The following KANSL1 variants were observed in gnomAD, a reference collection of about 807,000 sequenced individuals.
The protein encoded by KANSL1 is KAT8 regulatory NSL complex subunit 1.
Under a neutral mutation model 103.6 loss-of-function variants are expected in KANSL1, and 22 were observed. The ratio of observed to expected loss-of-function variants is 0.21; its 90% confidence interval spans 0.15 to 0.30. The LOEUF (loss-of-function observed/expected upper bound fraction) is 0.30. KANSL1 is among the 10% of genes least tolerant of loss of function. The pLI, the probability that KANSL1 is intolerant of heterozygous loss-of-function variation, is 1.00. For synonymous variants in KANSL1, 600 were observed against 527.6 expected (o/e 1.14, Z -1.88); for missense variants, 1,337 against 1,399.8 (o/e 0.96, Z 0.72).
In KANSL1 at chr17:46,129,209, T is replaced by C. The variant is rs139185954; in HGVS notation, c.1290-34508A>G. 9.8e-4 allele frequency among the ~76,000 whole-genome samples: 149 copies of C among 152,122 alleles called. 3 individuals carry two copies. The East Asian group carries it at 0.022, about 22-fold the overall frequency. On this transcript the variant is annotated intron_variant, in intron 2 of 14. Transcript: ENST00000432791. The stretch of plus-strand genomic sequence containing the variant: ...AAAGGAACAGTGCAGTATGTTCTAG[T>C]TGAATTAATAAATGACCTGCTTCTT...
At position 46,172,224 on chromosome 17, in the gene KANSL1, G is replaced by C. The variant is rs2046325083; in HGVS notation, c.-81C>G. On this transcript the variant is annotated 5_prime_UTR_variant, in exon 2 of 15. Transcript: ENST00000432791. Reference sequence around the variant, plus strand: ...TCCACGGCCCCTTACTGCCTCCCCAGAGAACAGACTAGAAGAGAAAGGAGA... The same window carrying C: ...TCCACGGCCCCTTACTGCCTCCCCACAGAACAGACTAGAAGAGAAAGGAGA... 1.5e-6 allele frequency: 2 copies of C among 1,299,950 alleles called. No homozygotes were observed. The highest frequency in any genetic ancestry group is 1.6e-5 in the African/African-American group (1 of 63,702). 80.5% of individuals were successfully genotyped at this position (1,299,950 alleles called of 1,614,324 possible). A position where few individuals can be genotyped will look rare whatever the true frequency, so the allele number is the denominator to read the frequency against.
intron 1 of KANSL1, among the ~76,000 whole-genome samples, chr17:46,213,825 C>T (rs957687072): frequency 2.6e-5 from 4 of 151,696 alleles, no homozygotes; most frequent in East Asian, 2.0e-4. Flanking sequence ...GGCTGAGGAA[C>T]GAGGATTGCT....
chr17:46,200,065 A>ACC lies in KANSL1; in HGVS notation c.-90+23604_-90+23605dup, dbSNP rs1555591968. Among the ~76,000 whole-genome samples the ACC allele has an allele frequency of 1.2e-3, 185 of 151,304 alleles. 2 individuals carry two copies. The highest frequency in any genetic ancestry group is 2.9e-3 in the South Asian group (14 of 4,808). The stretch of plus-strand genomic sequence containing the variant: ...CACACACACACACACACACACACAC[A>ACC]CCCTGATTATTTTGGTGAATTTTAG... On this transcript the variant is annotated intron_variant, in intron 1 of 14. Coordinates refer to the KANSL1 transcript ENST00000572904.
chr17:46,117,590 A>G (rs1376421460), intron 2 of KANSL1, among the ~76,000 whole-genome samples: 1 of 151,152 alleles, frequency 6.6e-6, no homozygotes, highest in Non-Finnish European at 1.5e-5. Context: ...ATGCCTCGCA[A>G]AGCAGCCAAA....
At chr17:46,175,320 G>C (rs894889715) in intron 1 of KANSL1, among the ~76,000 whole-genome samples, 3 of 91,280 alleles carry the variant, frequency 3.3e-5, no homozygotes, top group Non-Finnish European at 5.3e-5. Context: ...CTGTGTGTGT[G>C]TGTGTGTGTG....
chr17:46,083,582 C>T (rs2079057336), intron 3 of KANSL1, among the ~76,000 whole-genome samples: 1 of 152,054 alleles, frequency 6.6e-6, no homozygotes, highest in South Asian at 2.1e-4. Context: ...TCTCCTCCCC[C>T]ACCCCGCCAA....
chr17:46,166,217 A>C (rs2045991694), intron 2 of KANSL1, among the ~76,000 whole-genome samples: 1 of 151,210 alleles, frequency 6.6e-6, no homozygotes, highest in Non-Finnish European at 1.5e-5. Context: ...CTGTCTCAAA[A>C]AAAAAAAAAA....
upstream of KANSL1, among the ~76,000 whole-genome samples, chr17:46,197,820 A>G (rs919642276): frequency 6.6e-6 from 1 of 152,254 alleles, no homozygotes; most frequent in Admixed American, 6.5e-5. Flanking sequence ...ATCTATAGAT[A>G]ATAAACGTAT....
intron 2 of KANSL1, among the ~76,000 whole-genome samples, chr17:46,141,066 TTTG>T (rs1201515052): frequency 1.3e-5 from 2 of 151,272 alleles, no homozygotes; most frequent in Non-Finnish European, 3.0e-5. Flanking sequence ...ATTGATCCTG[TTTG>T]TTTAAAAAAA....
At chr17:46,179,215 A>G (rs1376434203) in intron 1 of KANSL1, among the ~76,000 whole-genome samples, 1 of 152,212 alleles carries the variant, frequency 6.6e-6, no homozygotes, top group Non-Finnish European at 1.5e-5. Flanking sequence ...ACCATATCCT[A>G]AAGATTATAC....
intron 6 of KANSL1, among the ~76,000 whole-genome samples, chr17:46,055,375 G>T (rs1057147981): frequency 1.3e-5 from 2 of 151,154 alleles, no homozygotes; most frequent in Non-Finnish European, 2.9e-5. Flanking sequence ...TGAGGCAGAA[G>T]AATCGCTTGA....
At chr17:46,169,729 T>A (rs1248570211) in intron 2 of KANSL1, 1 of 152,250 alleles carries the variant, frequency 6.6e-6, no homozygotes, top group African/African-American at 2.4e-5. Context: ...CATGTATCTT[T>A]AAGTATGTTA....
intron 2 of KANSL1, among the ~76,000 whole-genome samples, chr17:46,150,927 C>A (rs1389400769): frequency 3.7e-4 from 50 of 134,424 alleles, no homozygotes; most frequent in South Asian, 7.1e-4. Context: ...CCTATTCTGT[C>A]AAAAAAAAAA....
chr17:46,031,652 C>T lies in KANSL1; in HGVS notation c.3142G>A (p.Ala1048Thr). The T allele has an allele frequency of 6.2e-7, 1 of 1,612,718 alleles. No individual in the cohort carries two copies. The highest frequency in any genetic ancestry group is 8.5e-7 in the Non-Finnish European group (1 of 1,178,850). Residue 1048 changes from alanine (A) to threonine (T), a missense_variant, in exon 15 of 15, where the codon GCG (alanine) becomes ACG (threonine). Ala to Thr is a moderately conservative substitution (Grantham distance 58). Around this residue, in one of 2 missense-constraint regions of KANSL1, gnomAD observed 780 missense variants for 923.4 expected, o/e 0.84. Transcript: ENST00000432791. The part of the protein sequence containing the change: ...RTFPLAHSPQ[A>T]ECEDQLDAQE... The stretch of plus-strand genomic sequence containing the variant: ...GCATCCAGCTGGTCCTCACACTCCG[C>T]CTGGGGACTGTGCGCCAGGGGGAAG...
chr17:46,067,474 G>C, intron 5 of KANSL1, 75 bp downstream of exon 5: 1 of 899,808 alleles, frequency 1.1e-6, no homozygotes. Flanking sequence ...GTCAGTCCTG[G>C]CTAAAGAGAA....
chr17:46,033,411 TCTC>T lies in KANSL1; in HGVS notation c.2713_2715del (p.Glu905del), dbSNP rs551968687. ...AAGAACCAGGCCATTACCTCTTCAT[TCTC>T]CTCATCAGGACTCCCCTTCAGAGAC... On this transcript the variant is annotated inframe_deletion, in exon 12 of 15. Coordinates refer to ENST00000432791, the MANE Select transcript of KANSL1 (RefSeq NM_015443.4). 458 of 1,613,958 alleles carry T rather than the reference TCTC, an allele frequency of 2.8e-4. 2 individuals carry two copies. In the African/African-American group the frequency reaches 4.8e-3, roughly 17 times the overall value.
chr17:46,155,001 C>G (rs2045338169), intron 2 of KANSL1, among the ~76,000 whole-genome samples: 1 of 152,108 alleles, frequency 6.6e-6, no homozygotes, highest in African/African-American at 2.4e-5. Flanking sequence ...AAAACAGACA[C>G]AATGCTTACT....
rs769218713 is a variant in KANSL1, at chr17:46,172,180, TGCCGAG to T, written c.-43_-38del. ...AGACAGGAAGTCCAGCCTCTCCCGA[TGCCGAG>T]GCCGAGGCCAGCTCCACGGCCCCTT... is the stretch of plus-strand genomic sequence containing the variant. On this transcript the variant is annotated 5_prime_UTR_variant, in exon 2 of 15. Coordinates refer to ENST00000432791, the MANE Select transcript of KANSL1 (RefSeq NM_015443.4). 71 of 1,580,344 alleles carry T rather than the reference TGCCGAG, an allele frequency of 4.5e-5. 1 individual carries two copies. Among genetic ancestry groups the T allele is most frequent in the South Asian group, 1.8e-4 (16 of 89,610 alleles).
At position 46,092,702 on chromosome 17, in the gene KANSL1, G is replaced by GTTT. The variant is rs1182576324; in HGVS notation, c.1431+1855_1431+1857dup. ...CGAGATAATTTTGAGCTGTTGGGTT[G>GTTT]TTTTTTTTTTTTTGGGGGGGGGGGG... On this transcript the variant is annotated intron_variant, in intron 3 of 14. Coordinates refer to ENST00000432791, the MANE Select transcript of KANSL1 (RefSeq NM_015443.4). Among the ~76,000 whole-genome samples the GTTT allele has an allele frequency of 3.5e-3, 117 of 33,418 alleles. 13 individuals are homozygous for GTTT. The highest frequency in any genetic ancestry group is 0.016 in the African/African-American group (103 of 6,282). 21.9% of individuals were successfully genotyped at this position (33,418 alleles called of 152,430 possible).
Sources: gnomAD v4.1 joint callset for allele counts (sites outside exome capture counted in the v4.1 genomes callset) on GRCh38, gnomAD v4.1.1 for gene constraint, gnomAD v4.1.1 regional missense constraint, MANE v1.5 for transcripts, NCBI Gene and HGNC (gene_info 2026-07-23, HGNC 2026-07-21) for gene names.